The following CCDC91 variants were observed in gnomAD, a reference collection of about 807,000 sequenced individuals.
CCDC91 encodes coiled-coil domain containing 91, also known as coiled-coil domain-containing protein 91.
A neutral mutation model predicts 63.2 loss-of-function variants in CCDC91; 48 were observed. That is an observed-to-expected ratio of 0.76 (90% CI 0.60 to 0.97). CCDC91 has a LOEUF of 0.97. Ranked by LOEUF, CCDC91 falls within the 50% of genes least tolerant of loss-of-function variation. The pLI, the probability that CCDC91 is intolerant of heterozygous loss-of-function variation, is 0.00. For synonymous variants in CCDC91, 167 were observed against 165.8 expected (o/e 1.01, Z -0.06); for missense variants, 500 against 494.6 (o/e 1.01, Z -0.10).
chr12:28,371,183 C>T (rs568158893), intron 7 of CCDC91, among the ~76,000 whole-genome samples: 6 of 152,064 alleles, frequency 3.9e-5, no homozygotes, highest in South Asian at 4.2e-4. Context: ...GGCTGTGGAC[C>T]GGTACCATTT....
chr12:28,211,974 C>G (rs1943264302), intron 1 of CCDC91, among the ~76,000 whole-genome samples: 2 of 152,164 alleles, frequency 1.3e-5, no homozygotes, highest in South Asian at 4.1e-4. Flanking sequence ...TGGACCCAGT[C>G]CAGTTTCTGT....
At chr12:28,465,440 G>GT (rs1207595379) in intron 11 of CCDC91, among the ~76,000 whole-genome samples, 1 of 152,150 alleles carries the variant, frequency 6.6e-6, no homozygotes, top group Non-Finnish European at 1.5e-5. Context: ...CAGTCCTAGG[G>GT]GTGGTGGCCC....
intron 12 of CCDC91, among the ~76,000 whole-genome samples, chr12:28,503,113 C>T (rs1409423038): frequency 2.0e-4 from 31 of 152,096 alleles, no homozygotes; most frequent in Non-Finnish European, 1.9e-4. Context: ...AGCTTCTGCA[C>T]AGCAAAAGAA....
intron 3 of CCDC91, among the ~76,000 whole-genome samples, chr12:28,290,535 A>T (rs1457885259): frequency 6.6e-6 from 1 of 152,086 alleles, no homozygotes; most frequent in Non-Finnish European, 1.5e-5. Context: ...TGTGGATTTG[A>T]TTCTGTCATC....
intron 1 of CCDC91, among the ~76,000 whole-genome samples, chr12:28,202,989 A>T (rs1053980632): frequency 6.6e-6 from 1 of 152,212 alleles, no homozygotes; most frequent in African/African-American, 2.4e-5. Context: ...AGACAAGTAA[A>T]GGAGTGGTGT....
At chr12:28,258,995 A>G (rs1420250387) in intron 2 of CCDC91, among the ~76,000 whole-genome samples, 3 of 152,034 alleles carry the variant, frequency 2.0e-5, no homozygotes, top group South Asian at 2.1e-4. Context: ...TTTGGTGTCT[A>G]TATTTTTTAA....
At chr12:28,253,785 A>G (rs1018483175) in intron 1 of CCDC91, among the ~76,000 whole-genome samples, 8 of 152,070 alleles carry the variant, frequency 5.3e-5, no homozygotes. Flanking sequence ...GCCATTTGAC[A>G]TTTTCTGTCA....
chr12:28,215,823 A>C (rs1943527744), intron 1 of CCDC91, among the ~76,000 whole-genome samples: 2 of 152,152 alleles, frequency 1.3e-5, no homozygotes, highest in South Asian at 4.1e-4. Flanking sequence ...GGTAATTCTC[A>C]GGAATTGATA....
chr12:28,332,693 C>T (rs1027528652), intron 6 of CCDC91, among the ~76,000 whole-genome samples: 5 of 152,148 alleles, frequency 3.3e-5, no homozygotes, highest in East Asian at 1.9e-4. Context: ...TTTTCTAGGA[C>T]GTAGCTCCTC....
chr12:28,506,677 T>G (rs1224477092), intron 12 of CCDC91, among the ~76,000 whole-genome samples: 1 of 151,966 alleles, frequency 6.6e-6, no homozygotes, highest in Non-Finnish European at 1.5e-5. Context: ...CCTGTTATAA[T>G]CCTCATTTTA....
chr12:28,305,660 C>T lies in CCDC91; in HGVS notation c.121C>T (p.His41Tyr). 6.2e-7 allele frequency: 1 copy of T among 1,609,798 alleles called. No homozygotes were observed. The highest frequency in any genetic ancestry group is 8.5e-7 in the Non-Finnish European group (1 of 1,177,938). ...WAAFPAVSGV[H>Y]LSPSSPEIVL... is the part of the protein sequence containing the mutation. Reference sequence around the variant, plus strand: ...TTGTTTTTCTTTAGTATCTGGAGTCCATCTTTCACCATCTTCTCCTGAGAT... The same window carrying T: ...TTGTTTTTCTTTAGTATCTGGAGTCTATCTTTCACCATCTTCTCCTGAGAT... The change falls in exon 4 of 13, where the codon CAT becomes TAT. Residue 41 changes from histidine to tyrosine, a missense_variant. Coordinates refer to ENST00000536442, the MANE Select transcript of CCDC91 (RefSeq NM_018318.5).
chr12:28,469,048 A>G (rs866595285), intron 11 of CCDC91, among the ~76,000 whole-genome samples: 7 of 152,228 alleles, frequency 4.6e-5, no homozygotes, highest in East Asian at 3.9e-4. Flanking sequence ...TGCCACTGTC[A>G]TCACTCTTAT....
chr12:28,240,245 G>A (rs1251248448), intron 1 of CCDC91, among the ~76,000 whole-genome samples: 1 of 151,948 alleles, frequency 6.6e-6, no homozygotes, highest in Non-Finnish European at 1.5e-5. Flanking sequence ...GTTTTCTACC[G>A]TTTTCACTGT....
At chr12:28,541,272 A>G (rs746825526) in intron 12 of CCDC91, among the ~76,000 whole-genome samples, 28 of 152,126 alleles carry the variant, frequency 1.8e-4, no homozygotes, top group Middle Eastern at 6.3e-3. Flanking sequence ...ATCTAGCATT[A>G]TAGGATTATT....
chr12:28,272,277 A>G (rs1390117841), intron 3 of CCDC91, among the ~76,000 whole-genome samples: 1 of 152,044 alleles, frequency 6.6e-6, no homozygotes, highest in Non-Finnish European at 1.5e-5. Flanking sequence ...CTTTAGATTT[A>G]AGAAGCCCAA....
intron 1 of CCDC91, 81 bp from the exon 2 acceptor site, chr12:28,257,121 T>A: frequency 1.2e-6 from 1 of 808,190 alleles, no homozygotes; most frequent in Non-Finnish European, 2.1e-6. Flanking sequence ...CAAATAAATA[T>A]GTATACATTT....
chr12:28,336,571 G>A (rs531317374), intron 6 of CCDC91, among the ~76,000 whole-genome samples: 1 of 152,112 alleles, frequency 6.6e-6, no homozygotes, highest in Non-Finnish European at 1.5e-5. Context: ...GCTTGTTGGT[G>A]ACTATTTTCT....
intron 6 of CCDC91, among the ~76,000 whole-genome samples, chr12:28,330,772 G>T (rs950925106): frequency 6.6e-6 from 1 of 152,128 alleles, no homozygotes; most frequent in African/African-American, 2.4e-5. Context: ...CACTATAGGG[G>T]TTGCAGCTAG....
chr12:28,418,028 A>C (rs11049586), intron 8 of CCDC91, among the ~76,000 whole-genome samples: 30,698 of 152,138 alleles, frequency 0.2, 4,067 homozygotes, highest in Non-Finnish European at 0.3. Flanking sequence ...AATAAAACAT[A>C]CATGTGCAGC....
Sources: gnomAD v4.1 joint callset for allele counts (sites outside exome capture counted in the v4.1 genomes callset) on GRCh38, gnomAD v4.1.1 for gene constraint, MANE v1.5 for transcripts, NCBI Gene and HGNC (gene_info 2026-07-23, HGNC 2026-07-21) for gene names.